The following SDF4 variants were observed in gnomAD, a reference collection of about 807,000 sequenced individuals.
SDF4 encodes 45 kDa calcium-binding protein.
A neutral mutation model predicts 34.2 loss-of-function variants in SDF4; 22 were observed. The observed-to-expected ratio is 0.64, with a 90% CI of 0.46 to 0.92. The LOEUF (loss-of-function observed/expected upper bound fraction) is 0.92, where lower values mean the gene tolerates loss of function less well. Ranked by LOEUF, SDF4 falls within the 40% of genes least tolerant of loss-of-function variation. The probability of loss-of-function intolerance (pLI) is 0.00; values close to 1 mark genes in which losing one functional copy is unlikely to be tolerated. For synonymous variants in SDF4, 236 were observed against 203.1 expected, an observed-to-expected ratio of 1.16 and a Z score of -1.38; for missense variants, 447 against 499.9, an observed-to-expected ratio of 0.89 and a Z score of 1.01.
At chr1:1,226,968 C>T (rs528195955) in intron 2 of SDF4, among the ~76,000 whole-genome samples, 2 of 152,290 alleles carry the variant, frequency 1.3e-5, no homozygotes, top group South Asian at 2.1e-4. Context: ...GGTTGGTCAG[C>T]TCACCACCAA....
chr1:1,228,740 C>T lies in SDF4; in HGVS notation c.33G>A (p.Leu11=). Residue 11 remains leucine, a synonymous_variant, in exon 2 of 7, where the codon CTG becomes CTA. Transcript: ENST00000360001. MASRWGPLIG[L]APCCLWLLGA... ...CCAGGAGCCAGAGGCAGCACGGAGC[C>T]AGGCCAATGAGGGGACCCCACCTGG... 1 of 1,612,264 alleles carries T rather than the reference C, an allele frequency of 6.2e-7. No homozygotes were observed. The highest frequency in any genetic ancestry group is 8.5e-7 in the Non-Finnish European group (1 of 1,179,896).
chr1:1,225,478 G>A (rs2100980188), intron 2 of SDF4, among the ~76,000 whole-genome samples: 1 of 152,338 alleles, frequency 6.6e-6, no homozygotes, highest in East Asian at 1.9e-4. Flanking sequence ...GATCCTCATG[G>A]AAGAAGGCCA....
At position 1,217,822 on chromosome 1, in the gene SDF4, G is replaced by A. The variant is rs1226919671; in HGVS notation, c.892-134C>T. The A allele has an allele frequency of 1.3e-6, 2 of 1,551,038 alleles. 1 individual carries two copies. Among genetic ancestry groups the A allele is most frequent in the South Asian group, 2.4e-5 (2 of 84,144 alleles). On this transcript the variant is annotated intron_variant, in intron 6 of 6. Transcript: ENST00000360001. The surrounding 1 kb of genome is among the most constrained non-coding windows in gnomAD (Gnocchi z 8.5). ...GGCACGTTCTGGAAGGTTCCCGAAG[G>A]GAGGCGGCACAAATGAAAACACAGG...
rs79598135 is a variant in SDF4 at position 1,220,237 on chromosome 1, T to C, written c.557-1310A>G. ...AGGGAAGGATCTGGAGAGACCCTCC[T>C]GGATCAGGGAGAGTCAACGACTGCT... On this transcript the variant is annotated intron_variant, in intron 4 of 6. Transcript: ENST00000360001. 8.7e-4 allele frequency: 889 copies of C among 1,022,636 alleles called. 19 individuals carry two copies. In the East Asian group the frequency reaches 0.06, roughly 69 times the overall value. The allele number at this position is 1,022,636 out of a possible 1,614,324, so 63.3% of individuals were successfully genotyped here. A position where few individuals can be genotyped will look rare whatever the true frequency, so the allele number is the denominator to read the frequency against.
At chr1:1,221,490 A>G (rs927757079) in intron 4 of SDF4, 4 of 152,144 alleles carry the variant, frequency 2.6e-5, no homozygotes, top group Non-Finnish European at 5.9e-5. Flanking sequence ...GTCACATGAT[A>G]TGGGCCGTTC....
chr1:1,230,711 G>C (rs1267663987), intron 1 of SDF4, among the ~76,000 whole-genome samples: 1 of 152,164 alleles, frequency 6.6e-6, no homozygotes, highest in African/African-American at 2.4e-5. Flanking sequence ...CTCCTGCCTC[G>C]GCCTCCCAAA....
chr1:1,225,611 T>A (rs889011196), intron 2 of SDF4, among the ~76,000 whole-genome samples: 4 of 151,744 alleles, frequency 2.6e-5, no homozygotes, highest in African/African-American at 9.7e-5. Context: ...GCCACCCGGG[T>A]GGCCATGTGG....
Position 1,219,210 on chromosome 1 carries a change from C to CT in SDF4, c.557-284_557-283insA, listed in dbSNP as rs1557514512. 8 of 1,256,862 alleles carry CT rather than the reference C, an allele frequency of 6.4e-6. No individual in the cohort carries two copies. The African/African-American group carries it at 1.1e-4, about 18-fold the overall frequency. 77.9% of individuals were successfully genotyped at this position (1,256,862 alleles called of 1,614,324 possible). On this transcript the variant is annotated intron_variant, in intron 4 of 6. Transcript: ENST00000360001. ...CTCCCCAAGACAGCCTGGACCCCCCCCTGCCCCAGACCCCCAATACATGGA... is the reference window on the plus strand; with the variant it reads ...CTCCCCAAGACAGCCTGGACCCCCCCTCTGCCCCAGACCCCCAATACATGGA...
chr1:1,224,192 G>T (rs1190733700), intron 2 of SDF4, among the ~76,000 whole-genome samples: 1 of 152,150 alleles, frequency 6.6e-6, no homozygotes, highest in African/African-American at 2.4e-5. Context: ...CCCTCCCCGG[G>T]GAAACACATG....
Position 1,223,277 on chromosome 1 carries a change from T to C in SDF4, c.523A>G (p.Arg175Gly), listed in dbSNP as rs1650084321. The change falls in exon 4 of 7, where the codon AGG becomes GGG. Residue 175 changes from arginine (R) to glycine (G), a missense_variant. Coordinates refer to ENST00000360001, the MANE Select transcript of SDF4 (RefSeq NM_016176.6). ...HSEKEVADAI[R>G]LNEELKVDEE... ...TCCACTTTGAGTTCCTCGTTGAGCC[T>C]GATGGCGTCGGCAACCTCCTTCTCG... 6.2e-7 allele frequency: 1 copy of C among 1,614,086 alleles called. No individual in the cohort carries two copies. Among genetic ancestry groups the C allele is most frequent in the South Asian group, 1.1e-5 (1 of 91,088 alleles).
chr1:1,220,475 G>A (rs922179645), intron 4 of SDF4: 4 of 1,193,616 alleles, frequency 3.4e-6, no homozygotes, highest in African/African-American at 1.6e-5. Flanking sequence ...CGCTTCCCAG[G>A]CCCCTCCTCC....
rs545904022 is a variant in SDF4 at position 1,217,481 on chromosome 1, G to C, written c.*31C>G. On this transcript the variant is annotated 3_prime_UTR_variant, in exon 7 of 7. Transcript: ENST00000360001. The surrounding 1 kb of genome is among the most constrained non-coding windows in gnomAD (Gnocchi z 8.5). ...ACCCGCGAGGCCGCCCCGGTGGTGC[G>C]TGGGGGGCGGCGCGGGGCGCGGCCG... 1.2e-5 allele frequency: 18 copies of C among 1,474,094 alleles called. No homozygotes were observed. Among genetic ancestry groups the C allele is most frequent in the South Asian group, 1.4e-5 (1 of 73,360 alleles). The allele number at this position is 1,474,094 out of a possible 1,614,324, so 91.3% of individuals were successfully genotyped here. A position where few individuals can be genotyped will look rare whatever the true frequency, so the allele number is the denominator to read the frequency against.
In SDF4 at chr1:1,230,801, T is replaced by C. The variant is rs538622101; in HGVS notation, c.-175+1091A>G. On this transcript the variant is annotated intron_variant, in intron 1 of 6. Transcript: ENST00000360001. ...TGAGGGCTTTTCCCTTCCCTAGTGG[T>C]GGCATAATTCTATTCCTGTCGTCCC... 3.9e-5 allele frequency among the ~76,000 whole-genome samples: 6 copies of C among 152,356 alleles called. No individual in the cohort carries two copies. In the East Asian group the frequency reaches 1.2e-3, roughly 29 times the overall value.
intron 4 of SDF4, chr1:1,219,908 A>G: frequency 1.0e-6 from 1 of 967,056 alleles, no homozygotes; most frequent in East Asian, 1.2e-4. Context: ...CTGCCGTCCC[A>G]TCTTATCCCT....
chr1:1,220,683 A>G, intron 4 of SDF4: 1 of 1,289,220 alleles, frequency 7.8e-7, no homozygotes, highest in Non-Finnish European at 1.0e-6. Flanking sequence ...AGGTAGACGG[A>G]GGCTTCACAG....
chr1:1,228,844 G>A lies in SDF4; in HGVS notation c.-72C>T. The A allele has an allele frequency of 7.1e-7, 1 of 1,404,938 alleles. No homozygotes were observed. Among genetic ancestry groups the A allele is most frequent in the South Asian group, 1.3e-5 (1 of 77,606 alleles). 87.0% of individuals were successfully genotyped at this position (1,404,938 alleles called of 1,614,324 possible). A position where few individuals can be genotyped will look rare whatever the true frequency, so the allele number is the denominator to read the frequency against. The stretch of plus-strand genomic sequence containing the variant: ...GGTGCTGGGAGGGGCAGGGGCAGGG[G>A]CAGAGGAGGAAGTGAGGTCCTGGCT... On this transcript the variant is annotated 5_prime_UTR_variant, in exon 2 of 7. Coordinates refer to ENST00000360001, the MANE Select transcript of SDF4 (RefSeq NM_016176.6).
At position 1,218,238 on chromosome 1, in the gene SDF4, C is replaced by A. The variant is rs375380456; in HGVS notation, c.891+220G>T. Among the ~76,000 whole-genome samples, 59 of 152,348 alleles carry A rather than the reference C, an allele frequency of 3.9e-4. No homozygotes were observed. Among genetic ancestry groups the A allele is most frequent in the African/African-American group, 1.3e-3 (56 of 41,590 alleles). ...CTCCGCAAGGGGCTGAGGATGGAGC[C>A]CGGCCAGGCTCGCCTGTCTCTGATC... On this transcript the variant is annotated intron_variant, in intron 6 of 6. Transcript: ENST00000360001. The surrounding 1 kb of genome is among the most constrained non-coding windows in gnomAD (Gnocchi z 7.9).
At chr1:1,231,526 G>A (rs756775152) in intron 1 of SDF4, among the ~76,000 whole-genome samples, 36 of 152,238 alleles carry the variant, frequency 2.4e-4, no homozygotes, top group Admixed American at 1.3e-4. Flanking sequence ...GGGTCCACGC[G>A]GTTCAGAAGC....
Position 1,228,494 on chromosome 1 carries a change from C to CCGGCTCCGCCG in SDF4, c.268_278dup (p.Arg94GlyfsTer7), listed in dbSNP as rs762807774. Reference sequence around the variant, plus strand: ...TGGAAAAGATGACCATCAGCTTCCTCCGGCTCCGCCGCGGCTCCGCGTCCT... The same window carrying CCGGCTCCGCCG: ...TGGAAAAGATGACCATCAGCTTCCTCCGGCTCCGCCGCGGCTCCGCCGCGGCTCCGCGTCCT... On this transcript the variant is annotated frameshift_variant, in exon 2 of 7. Transcript: ENST00000360001. LOFTEE classifies it high-confidence loss of function. 9.9e-6 allele frequency: 16 copies of CCGGCTCCGCCG among 1,608,628 alleles called. No homozygotes were observed. The highest frequency in any genetic ancestry group is 4.5e-5 in the East Asian group (2 of 44,750).
Sources: gnomAD v4.1 joint callset for allele counts (sites outside exome capture counted in the v4.1 genomes callset) on GRCh38, gnomAD v4.1.1 for gene constraint, Gnocchi (gnomAD v3.1) non-coding constraint, MANE v1.5 for transcripts, NCBI Gene and HGNC (gene_info 2026-07-23, HGNC 2026-07-21) for gene names.